Variants in MSI2 observed in about 807,000 individuals in gnomAD.
MSI2 encodes the protein RNA-binding protein Musashi homolog 2.
MSI2 carries 17 observed loss-of-function variants against 45.6 expected under a neutral mutation model. The observed-to-expected ratio is 0.37, with a 90% CI of 0.26 to 0.56. The LOEUF (loss-of-function observed/expected upper bound fraction) is 0.56. MSI2 is among the 20% of genes least tolerant of loss of function. The pLI, the probability that MSI2 is intolerant of heterozygous loss-of-function variation, is 0.77. For synonymous variants in MSI2, 156 were observed against 158.2 expected (o/e 0.99, Z 0.11); for missense variants, 293 against 444.2 (o/e 0.66, Z 3.06).
At chr17:57,378,164 G>T (rs1385112017) in intron 5 of MSI2, among the ~76,000 whole-genome samples, 3 of 152,120 alleles carry the variant, frequency 2.0e-5, no homozygotes, top group Non-Finnish European at 4.4e-5. Flanking sequence ...CCGGGCTGGA[G>T]TGCAATGGCG....
chr17:57,510,134 C>T (rs1305774201), intron 6 of MSI2, among the ~76,000 whole-genome samples: 5 of 152,056 alleles, frequency 3.3e-5, no homozygotes, highest in African/African-American at 1.2e-4. Flanking sequence ...CCCATCTACT[C>T]CTTCCTCTGT....
chr17:57,588,104 G>C (rs1180735428), intron 7 of MSI2, among the ~76,000 whole-genome samples: 2 of 152,062 alleles, frequency 1.3e-5, no homozygotes, highest in African/African-American at 2.4e-5. Flanking sequence ...GCTTATTTTG[G>C]GGGGAGGGAG....
chr17:57,476,867 C>T (rs1313772044), intron 6 of MSI2, among the ~76,000 whole-genome samples: 1 of 152,102 alleles, frequency 6.6e-6, no homozygotes, highest in Non-Finnish European at 1.5e-5. Flanking sequence ...AAGGAAATAC[C>T]TGGTTCTCCT....
chr17:57,571,361 T>C (rs11079309), intron 7 of MSI2, among the ~76,000 whole-genome samples: 84,402 of 152,016 alleles, frequency 0.56, 25,119 homozygotes, highest in African/African-American at 0.79. Context: ...GGCCTGACCT[T>C]GCCACCTCAG....
intron 5 of MSI2, among the ~76,000 whole-genome samples, chr17:57,366,543 ACAACAGAACCTTTG>A (rs987451113): frequency 1.5e-4 from 23 of 152,244 alleles, no homozygotes; most frequent in Non-Finnish European, 1.5e-5. Flanking sequence ...GGCCAAGTTT[ACAACAGAACCTTTG>A]CAAAAGCAGC....
chr17:57,459,405 G>A (rs2085180137), intron 6 of MSI2, among the ~76,000 whole-genome samples: 1 of 152,194 alleles, frequency 6.6e-6, no homozygotes, highest in Non-Finnish European at 1.5e-5. Flanking sequence ...CAGGAAGGGA[G>A]AGATTTTAAT....
chr17:57,363,626 C>T (rs1916981547), intron 5 of MSI2, among the ~76,000 whole-genome samples: 1 of 152,116 alleles, frequency 6.6e-6, no homozygotes, highest in South Asian at 2.1e-4. Flanking sequence ...GTAATCCCAG[C>T]TACTCAGGAG....
At chr17:57,299,350 G>A (rs564694428) in intron 5 of MSI2, among the ~76,000 whole-genome samples, 1 of 152,340 alleles carries the variant, frequency 6.6e-6, no homozygotes, top group South Asian at 2.1e-4. Flanking sequence ...AAGAGGCCTG[G>A]CTTTCAGCCT....
chr17:57,434,370 G>A (rs1403839268), intron 6 of MSI2, among the ~76,000 whole-genome samples: 1 of 152,150 alleles, frequency 6.6e-6, no homozygotes, highest in Non-Finnish European at 1.5e-5. Flanking sequence ...AAAGTGCCAG[G>A]ATTACAGGCA....
At chr17:57,547,188 G>T (rs2087189479) in intron 7 of MSI2, among the ~76,000 whole-genome samples, 1 of 152,214 alleles carries the variant, frequency 6.6e-6, no homozygotes, top group African/African-American at 2.4e-5. Context: ...ACAGGTGGAG[G>T]GCTGGGGCCT....
chr17:57,671,872 A>C (rs9912674), intron 11 of MSI2, among the ~76,000 whole-genome samples: 32,525 of 152,188 alleles, frequency 0.21, 5,118 homozygotes, highest in African/African-American at 0.44. Context: ...ATGGGTTTCC[A>C]GATGGCTCGT....
intron 5 of MSI2, among the ~76,000 whole-genome samples, chr17:57,374,262 G>T (rs2083461240): frequency 1.3e-5 from 2 of 152,172 alleles, no homozygotes; most frequent in African/African-American, 4.8e-5. Context: ...GCAACCCTAG[G>T]CATAAGTGGT....
At chr17:57,553,965 G>T (rs2087368345) in intron 7 of MSI2, among the ~76,000 whole-genome samples, 1 of 152,174 alleles carries the variant, frequency 6.6e-6, no homozygotes, top group Non-Finnish European at 1.5e-5. Context: ...AATTCTAGGA[G>T]GGCCCTGAAA....
chr17:57,273,310 C>G (rs999337037), intron 5 of MSI2, among the ~76,000 whole-genome samples: 4 of 152,016 alleles, frequency 2.6e-5, no homozygotes, highest in Non-Finnish European at 5.9e-5. Flanking sequence ...ACTTGTTTTC[C>G]TGTACTAATA....
At chr17:57,523,011 G>A (rs189860939) in intron 6 of MSI2, 1 of 151,276 alleles carries the variant, frequency 6.6e-6, no homozygotes, top group Non-Finnish European at 1.5e-5. Context: ...CTGGACAATA[G>A]CATTTTTGAC....
chr17:57,385,688 T>C (rs1020681557), intron 5 of MSI2, among the ~76,000 whole-genome samples: 1 of 152,128 alleles, frequency 6.6e-6, no homozygotes, highest in African/African-American at 2.4e-5. Flanking sequence ...CTCCTGCTGC[T>C]CATCATTTCA....
chr17:57,538,509 A>G (rs1003881807), intron 7 of MSI2, among the ~76,000 whole-genome samples: 2 of 152,148 alleles, frequency 1.3e-5, no homozygotes, highest in Non-Finnish European at 2.9e-5. Flanking sequence ...TCCCTTGTGA[A>G]GGTAACACAC....
Position 57,652,280 on chromosome 17 carries a change from G to A in MSI2, c.790+119G>A, listed in dbSNP as rs549451335. The A allele has an allele frequency of 2.1e-5, 23 of 1,071,304 alleles. No homozygotes were observed. The highest frequency in any genetic ancestry group is 2.5e-5 in the East Asian group (1 of 39,760). The allele number at this position is 1,071,304 out of a possible 1,614,324, so 66.4% of individuals were successfully genotyped here. ...CCAACACCACTCTCACCACAGCCCC[G>A]GGGAGGGGGTGGACGGGGAGGGGGT... On this transcript the variant is annotated intron_variant, in intron 11 of 13. Transcript: ENST00000284073. This position sits in a 1 kb window ranked among gnomAD's most constrained non-coding sequence, Gnocchi z 4.1.
intron 11 of MSI2, among the ~76,000 whole-genome samples, chr17:57,666,821 CAT>C (rs954871941): frequency 2.2e-4 from 33 of 149,236 alleles, no homozygotes; most frequent in African/African-American, 7.5e-4. Flanking sequence ...TGGCTGGCGA[CAT>C]GTGGGGAAAA....
Sources: gnomAD v4.1 joint callset for allele counts (sites outside exome capture counted in the v4.1 genomes callset) on GRCh38, gnomAD v4.1.1 for gene constraint, Gnocchi (gnomAD v3.1) non-coding constraint, MANE v1.5 for transcripts, NCBI Gene and HGNC (gene_info 2026-07-23, HGNC 2026-07-21) for gene names.